EFCAB13: variants seen among roughly 807,000 people sequenced by gnomAD.
EFCAB13 encodes EF-hand calcium binding domain 13, also known as EF-hand calcium-binding domain-containing protein 13.
EFCAB13 carries 91 observed loss-of-function variants against 110.2 expected under a neutral mutation model. The ratio of observed to expected loss-of-function variants is 0.83; its 90% CI spans 0.70 to 0.98. The LOEUF is 0.98. Among genes scored for constraint, EFCAB13 ranks in the 50% least tolerant of loss-of-function variants. EFCAB13 has a pLI of 0.00. For synonymous variants in EFCAB13, 323 were observed against 369.9 expected (o/e 0.87, Z 1.45); for missense variants, 968 against 1,119.4 (o/e 0.86, Z 1.93).
intron 20 of EFCAB13, among the ~76,000 whole-genome samples, chr17:47,406,761 C>G (rs1696623073): frequency 6.6e-6 from 1 of 152,070 alleles, no homozygotes; most frequent in Non-Finnish European, 1.5e-5. Flanking sequence ...TGGACTCTTC[C>G]TCCCATTAAT....
chr17:47,346,020 TC>T (rs1396677178), intron 8 of EFCAB13, among the ~76,000 whole-genome samples: 2 of 152,166 alleles, frequency 1.3e-5, no homozygotes, highest in African/African-American at 4.8e-5. Flanking sequence ...GAATCTTTTC[TC>T]CCCTATTTCT....
intron 5 of EFCAB13, among the ~76,000 whole-genome samples, chr17:47,340,312 T>C (rs1012403288): frequency 9.2e-5 from 14 of 151,990 alleles, no homozygotes; most frequent in East Asian, 3.9e-4. Context: ...CAATAGTACA[T>C]GAGAGAAAGT....
At chr17:47,406,760 C>T (rs2065807634) in intron 20 of EFCAB13, among the ~76,000 whole-genome samples, 1 of 152,130 alleles carries the variant, frequency 6.6e-6, no homozygotes, top group Non-Finnish European at 1.5e-5. Context: ...TTGGACTCTT[C>T]CTCCCATTAA....
chr17:47,327,068 T>C (rs967799202), intron 3 of EFCAB13, among the ~76,000 whole-genome samples: 12 of 152,150 alleles, frequency 7.9e-5, no homozygotes, highest in African/African-American at 2.7e-4. Context: ...ATATGAAAAT[T>C]TGAGGAATTT....
At chr17:47,367,385 G>A (rs528005646) in intron 10 of EFCAB13, among the ~76,000 whole-genome samples, 4 of 152,256 alleles carry the variant, frequency 2.6e-5, no homozygotes, top group East Asian at 1.9e-4. Flanking sequence ...TTCTCGTGGC[G>A]GCAAGAGGGG....
chr17:47,377,999 G>A (rs2065625838), intron 13 of EFCAB13, 96 bp downstream of exon 13: 1 of 1,054,354 alleles, frequency 9.5e-7, no homozygotes, highest in Admixed American at 3.1e-5. Context: ...TAGAAATTAG[G>A]AATGGGACAG....
intron 11 of EFCAB13, among the ~76,000 whole-genome samples, chr17:47,371,574 G>A (rs2065584969): frequency 6.6e-6 from 1 of 152,060 alleles, no homozygotes; most frequent in Admixed American, 6.6e-5. Flanking sequence ...GTGTAAATAT[G>A]TGACTTTATT....
At chr17:47,440,342 T>C in intron 24 of EFCAB13, 89 bp from the exon 25 acceptor site, 1 of 1,307,706 alleles carries the variant, frequency 7.6e-7, no homozygotes, top group Non-Finnish European at 1.0e-6. Flanking sequence ...TTTTAACTTC[T>C]GTTATAATTT....
At chr17:47,435,504 C>T (rs1905194820) in intron 24 of EFCAB13, among the ~76,000 whole-genome samples, 1 of 152,016 alleles carries the variant, frequency 6.6e-6, no homozygotes, top group Non-Finnish European at 1.5e-5. Context: ...CTCCTTGGTT[C>T]AGTATATTCC....
chr17:47,382,439 G>A (rs1182781564), intron 14 of EFCAB13, among the ~76,000 whole-genome samples: 2 of 152,112 alleles, frequency 1.3e-5, no homozygotes, highest in African/African-American at 2.4e-5. Flanking sequence ...TGTGCCGGTT[G>A]TCAAAAGGAA....
intron 15 of EFCAB13, 64 bp from the exon 16 acceptor site, chr17:47,393,960 TA>T: frequency 1.2e-6 from 1 of 838,118 alleles, no homozygotes; most frequent in South Asian, 1.9e-5. Flanking sequence ...GTATTTTATA[TA>T]ATTCAATATT....
chr17:47,359,006 C>A (rs1018021835), intron 9 of EFCAB13, among the ~76,000 whole-genome samples: 18 of 152,162 alleles, frequency 1.2e-4, no homozygotes, highest in Admixed American at 1.1e-3. Context: ...CTGGAGGTCC[C>A]TTCCTCTGCT....
Position 47,417,933 on chromosome 17 carries a change from T to C in EFCAB13, c.2494+3014T>C, listed in dbSNP as rs543142430. 1.3e-4 allele frequency among the ~76,000 whole-genome samples: 20 copies of C among 152,294 alleles called. No homozygotes were observed. In the South Asian group the frequency reaches 1.5e-3, roughly 11 times the overall value. On this transcript the variant is annotated intron_variant, in intron 23 of 24. Transcript: ENST00000331493. ...TTTAAAGGCTCTTATGACCCCCTAA[T>C]GTAGAGGCTGATATCATATTTGGAG...
intron 17 of EFCAB13, among the ~76,000 whole-genome samples, chr17:47,399,066 G>T (rs991845193): frequency 9.2e-5 from 14 of 152,088 alleles, no homozygotes; most frequent in African/African-American, 3.4e-4. Context: ...GGGACTACAG[G>T]TGCACAGCAC....
At chr17:47,342,068 A>G in intron 6 of EFCAB13, 36 bp downstream of exon 6, 3 of 1,259,230 alleles carry the variant, frequency 2.4e-6, no homozygotes, top group Non-Finnish European at 3.4e-6. Context: ...TTTTACCTTC[A>G]AATATTTTCC....
chr17:47,401,639 AC>A (rs2065779244), intron 17 of EFCAB13, among the ~76,000 whole-genome samples: 1 of 103,040 alleles, frequency 9.7e-6, no homozygotes, highest in Non-Finnish European at 2.0e-5. Context: ...ACTCAGCCTG[AC>A]TTTTTTTTTT....
chr17:47,360,360 A>G (rs200704515), intron 9 of EFCAB13, among the ~76,000 whole-genome samples: 3,345 of 151,904 alleles, frequency 0.022, 87 homozygotes, highest in East Asian at 0.17. Flanking sequence ...TTTGATTTGC[A>G]TTTCTCTGAT....
At chr17:47,407,768 T>G (rs1296087815) in intron 20 of EFCAB13, among the ~76,000 whole-genome samples, 4 of 152,202 alleles carry the variant, frequency 2.6e-5, no homozygotes, top group African/African-American at 9.7e-5. Context: ...TGTTTTTTGT[T>G]TTTTAATTTA....
rs11658416 is a variant in EFCAB13 at position 47,373,948 on chromosome 17, A to C, written c.878-524A>C. ...AGATAAGATTCTGAAACATCAGATA[A>C]ATTTTGTAAATGAAGTCTCAGTTTG... is the stretch of plus-strand genomic sequence containing the variant. On this transcript the variant is annotated intron_variant, in intron 11 of 24. Transcript: ENST00000331493. Among the ~76,000 whole-genome samples the C allele has an allele frequency of 1.7e-3, 257 of 152,270 alleles. 1 individual carries two copies. The highest frequency in any genetic ancestry group is 2.9e-3 in the Admixed American group (44 of 15,302).
Sources: gnomAD v4.1 joint callset for allele counts (sites outside exome capture counted in the v4.1 genomes callset) on GRCh38, gnomAD v4.1.1 for gene constraint, MANE v1.5 for transcripts, NCBI Gene and HGNC (gene_info 2026-07-23, HGNC 2026-07-21) for gene names.